CORO7: variants seen among roughly 807,000 people sequenced by gnomAD.
CORO7 encodes the protein coronin 7.
A neutral mutation model predicts 126.6 loss-of-function variants in CORO7; 107 were observed. That is an observed-to-expected ratio of 0.85 (90% confidence interval 0.72 to 0.99). The LOEUF (loss-of-function observed/expected upper bound fraction) is 0.99, where lower values mean the gene tolerates loss of function less well. Ranked by LOEUF, CORO7 falls within the 50% of genes least tolerant of loss-of-function variation. CORO7 has a pLI of 0.00. For synonymous variants in CORO7, 603 were observed against 536.8 expected, an observed-to-expected ratio of 1.12 and a Z score of -1.70; for missense variants, 1,314 against 1,255.8, an observed-to-expected ratio of 1.05 and a Z score of -0.70.
chr16:4,380,625 C>T (rs1042432786), intron 9 of CORO7, among the ~76,000 whole-genome samples: 6 of 152,230 alleles, frequency 3.9e-5, no homozygotes, highest in Non-Finnish European at 8.8e-5. Context: ...TGCATGGTCA[C>T]TGCACGTTCA....
intron 9 of CORO7, among the ~76,000 whole-genome samples, chr16:4,370,526 C>T (rs1223852586): frequency 6.6e-6 from 1 of 152,242 alleles, no homozygotes; most frequent in African/African-American, 2.4e-5. Flanking sequence ...GCACTAAATG[C>T]ACCCAAAGGC....
intron 9 of CORO7, among the ~76,000 whole-genome samples, chr16:4,374,557 GGCTGGGGCGGCC>G (rs984653053): frequency 1.3e-5 from 2 of 152,166 alleles, no homozygotes; most frequent in Non-Finnish European, 2.9e-5. Context: ...ACCGGGAAGG[GGCTGGGGCGGCC>G]GCTGGGGCCC....
intron 6 of CORO7, among the ~76,000 whole-genome samples, chr16:4,405,111 G>C (rs2055948556): frequency 7.2e-5 from 11 of 152,214 alleles, no homozygotes; most frequent in Admixed American, 7.2e-4. Context: ...GTCCTCGACG[G>C]AAGTCACCTC....
chr16:4,358,262 G>T lies in CORO7; in HGVS notation c.2457+105C>A, dbSNP rs975008402. 2.2e-5 allele frequency: 33 copies of T among 1,531,056 alleles called. No individual in the cohort carries two copies. The African/African-American group carries it at 3.3e-4, about 15-fold the overall frequency. 94.8% of individuals were successfully genotyped at this position (1,531,056 alleles called of 1,614,324 possible). A position where few individuals can be genotyped will look rare whatever the true frequency, so the allele number is the denominator to read the frequency against. On this transcript the variant is annotated intron_variant, in intron 24 of 27. Coordinates refer to ENST00000251166, the MANE Select transcript of CORO7 (RefSeq NM_024535.5). ...AGCAGAAGGGGGTAGGTGTCCCCATGAACAATGGGTAGGGAAGTTTGGAAG... is the reference window on the plus strand; with the variant it reads ...AGCAGAAGGGGGTAGGTGTCCCCATTAACAATGGGTAGGGAAGTTTGGAAG...
chr16:4,406,540 T>C (rs1427583475), intron 5 of CORO7, among the ~76,000 whole-genome samples: 1 of 152,158 alleles, frequency 6.6e-6, no homozygotes, highest in Non-Finnish European at 1.5e-5. Flanking sequence ...GCTCAAGCGA[T>C]CCTCCCATTT....
rs1357814637 is a variant in CORO7, at chr16:4,403,005, G to A, written c.564+2486C>T. 5.3e-5 allele frequency among the ~76,000 whole-genome samples: 8 copies of A among 152,172 alleles called. No homozygotes were observed. The East Asian group carries it at 7.8e-4, about 15-fold the overall frequency. On this transcript the variant is annotated intron_variant, in intron 6 of 27. Coordinates refer to ENST00000251166, the MANE Select transcript of CORO7 (RefSeq NM_024535.5). ...AAGCCAGGGGCACGGAGGCTTCCCCGCCAGGAAGGAGATGGGGCGGGGGTG... is the reference window on the plus strand; with the variant it reads ...AAGCCAGGGGCACGGAGGCTTCCCCACCAGGAAGGAGATGGGGCGGGGGTG...
intron 9 of CORO7, among the ~76,000 whole-genome samples, chr16:4,368,500 G>A (rs2141207121): frequency 6.6e-6 from 1 of 152,156 alleles, no homozygotes; most frequent in Admixed American, 6.5e-5. Flanking sequence ...GCTCACATCT[G>A]TAATCCCAGC....
intron 9 of CORO7, among the ~76,000 whole-genome samples, chr16:4,379,798 T>C (rs1404304130): frequency 1.3e-5 from 2 of 150,842 alleles, no homozygotes; most frequent in East Asian, 3.9e-4. Context: ...ATCCCAGCAC[T>C]TTTGGAGGCT....
At chr16:4,410,024 G>C (rs548991540) in intron 3 of CORO7, among the ~76,000 whole-genome samples, 2 of 152,326 alleles carry the variant, frequency 1.3e-5, no homozygotes, top group Admixed American at 1.3e-4. Flanking sequence ...CTTGCCTACA[G>C]GACCCTGGTC....
intron 9 of CORO7, among the ~76,000 whole-genome samples, chr16:4,370,694 C>T (rs76143423): frequency 0.012 from 1,836 of 152,348 alleles, 34 homozygotes; most frequent in African/African-American, 0.04. Flanking sequence ...CCAGCCAGGC[C>T]CTGCTTAGCC....
Position 4,362,709 on chromosome 16 carries a change from C to A in CORO7, c.1305G>T (p.Leu435=), listed in dbSNP as rs762481096. ...SEGFSSPPSS[L]TSPSTPSSLG... ...GGCTGGAGGGCGTGGAGGGCGAGGTCAGCGAACTGGGAGGGGAAGAGAAAC... is the reference window on the plus strand; with the variant it reads ...GGCTGGAGGGCGTGGAGGGCGAGGTAAGCGAACTGGGAGGGGAAGAGAAAC... The change falls in exon 15 of 28, where the codon CTG becomes CTT. Residue 435 remains leucine (L), a synonymous_variant. Coordinates refer to ENST00000251166, the MANE Select transcript of CORO7 (RefSeq NM_024535.5). This position sits in a 1 kb window ranked among gnomAD's most constrained non-coding sequence, Gnocchi z 5.3. The A allele has an allele frequency of 1.4e-6, 2 of 1,450,918 alleles. No homozygotes were observed. The highest frequency in any genetic ancestry group is 1.8e-6 in the Non-Finnish European group (2 of 1,097,904). The allele number at this position is 1,450,918 out of a possible 1,614,324, so 89.9% of individuals were successfully genotyped here.
intron 9 of CORO7, among the ~76,000 whole-genome samples, chr16:4,385,676 A>C (rs558136377): frequency 2.4e-4 from 37 of 152,290 alleles, no homozygotes; most frequent in African/African-American, 8.9e-4. Flanking sequence ...TTGGTGTTCG[A>C]GGCTGGCCTG....
intron 21 of CORO7, among the ~76,000 whole-genome samples, 159 bp downstream of exon 21, chr16:4,360,119 C>T (rs2054114817): frequency 6.6e-6 from 1 of 151,454 alleles, no homozygotes; most frequent in Non-Finnish European, 1.5e-5. Flanking sequence ...ACCTATCCAT[C>T]CACCCATCTA....
chr16:4,371,250 G>T (rs913315629), intron 9 of CORO7, among the ~76,000 whole-genome samples: 1 of 152,234 alleles, frequency 6.6e-6, no homozygotes, highest in African/African-American at 2.4e-5. Context: ...TCTTAAGGCT[G>T]TCGTGGCTAA....
intron 7 of CORO7, among the ~76,000 whole-genome samples, chr16:4,389,040 T>C (rs2055295374): frequency 1.3e-5 from 2 of 152,178 alleles, no homozygotes; most frequent in Non-Finnish European, 2.9e-5. Flanking sequence ...TTTCTCTCGC[T>C]TGTGTAAGGG....
chr16:4,382,878 C>T, intron 9 of CORO7: 1 of 1,545,328 alleles, frequency 6.5e-7, no homozygotes, highest in Non-Finnish European at 8.7e-7. Context: ...AGTCACCCCT[C>T]CACGCAAAGC....
intron 9 of CORO7, among the ~76,000 whole-genome samples, chr16:4,378,465 C>G (rs1052528639): frequency 2.0e-5 from 3 of 152,098 alleles, no homozygotes; most frequent in African/African-American, 7.2e-5. Flanking sequence ...CCTCACCCCC[C>G]ATATGGACAT....
At chr16:4,379,347 C>T (rs2054869361) in intron 9 of CORO7, among the ~76,000 whole-genome samples, 1 of 152,072 alleles carries the variant, frequency 6.6e-6, no homozygotes. Flanking sequence ...GGGGACGGCC[C>T]CAGCGGTCTC....
intron 23 of CORO7, 111 bp from the exon 24 acceptor site, chr16:4,358,594 C>T: frequency 1.0e-6 from 1 of 990,168 alleles, no homozygotes. Context: ...TGCCTAGGGC[C>T]TGTCCCTGGA....
Sources: gnomAD v4.1 joint callset for allele counts (sites outside exome capture counted in the v4.1 genomes callset) on GRCh38, gnomAD v4.1.1 for gene constraint, Gnocchi (gnomAD v3.1) non-coding constraint, MANE v1.5 for transcripts, NCBI Gene and HGNC (gene_info 2026-07-23, HGNC 2026-07-21) for gene names.